The following IKBKB variants were observed in gnomAD, a reference collection of about 807,000 sequenced individuals.
The protein encoded by IKBKB is inhibitor of nuclear factor kappa-B kinase subunit beta.
IKBKB carries 42 observed loss-of-function variants against 113.6 expected under a neutral mutation model. That is an observed-to-expected ratio of 0.37 (90% confidence interval 0.29 to 0.48). The LOEUF (loss-of-function observed/expected upper bound fraction) is 0.48, where lower values mean the gene tolerates loss of function less well. IKBKB is among the 20% of genes least tolerant of loss of function. The pLI is 0.99. For synonymous variants in IKBKB, 296 were observed against 361.3 expected, an observed-to-expected ratio of 0.82 and a Z score of 2.05; for missense variants, 673 against 939.7, an observed-to-expected ratio of 0.72 and a Z score of 3.71.
Position 42,331,056 on chromosome 8 carries a change from A to ATGGGGCTGCCTGGAGCAGGCCGCGTGACG in IKBKB, c.*91_*119dup. 6.3e-7 allele frequency: 1 copy of ATGGGGCTGCCTGGAGCAGGCCGCGTGACG among 1,589,406 alleles called. No individual in the cohort carries two copies. Among genetic ancestry groups the ATGGGGCTGCCTGGAGCAGGCCGCGTGACG allele is most frequent in the Non-Finnish European group, 8.6e-7 (1 of 1,168,086 alleles). On this transcript the variant is annotated 3_prime_UTR_variant, in exon 22 of 22. Transcript: ENST00000520810. ...CAGTGGGGGGACTCGACCCCCTGAC[A>ATGGGGCTGCCTGGAGCAGGCCGCGTGACG]TGGGGCTGCCTGGAGCAGGCCGCGT...
chr8:42,271,716 C>T (rs970844982), intron 1 of IKBKB: 4 of 511,086 alleles, frequency 7.8e-6, no homozygotes, highest in Non-Finnish European at 1.4e-5. Context: ...AAACACGTGA[C>T]CTCGGCGATG....
chr8:42,300,157 A>G (rs1037816918), intron 5 of IKBKB, among the ~76,000 whole-genome samples: 1 of 152,170 alleles, frequency 6.6e-6, no homozygotes, highest in African/African-American at 2.4e-5. Flanking sequence ...TTAGCCAAGT[A>G]ACCTTTAGCC....
intron 21 of IKBKB, chr8:42,330,055 A>G (rs1438785824): frequency 1.0e-5 from 10 of 985,276 alleles, no homozygotes; most frequent in Non-Finnish European, 1.1e-5. Context: ...TGATCAGTTC[A>G]TTGCTTACTT....
At chr8:42,288,799 G>A in intron 3 of IKBKB, 71 bp downstream of exon 3, 1 of 1,249,914 alleles carries the variant, frequency 8.0e-7, no homozygotes, top group Non-Finnish European at 1.1e-6. Flanking sequence ...AGAAAGGAGA[G>A]TCTTGCTGGG....
rs759774641 is a variant in IKBKB, at chr8:42,303,064, AGAGAGAGAGAGAGAGAGAGAGAGAGAAT to A, written c.389-2077_389-2050del. Among the ~76,000 whole-genome samples the A allele has an allele frequency of 5.6e-5, 6 of 107,814 alleles. 1 individual carries two copies. The highest frequency in any genetic ancestry group is 6.9e-4 in the South Asian group (2 of 2,884). The allele number at this position is 107,814 out of a possible 152,430, so 70.7% of individuals were successfully genotyped here. On this transcript the variant is annotated intron_variant, in intron 5 of 21. Transcript: ENST00000520810. ...CCCTCCCCGGCTTGCCGAGAGGGAG[AGAGAGAGAGAGAGAGAGAGAGAGAGAAT>A]GAGAGAGAGAGAGAGAGAGAGAGAG... is the stretch of plus-strand genomic sequence containing the variant.
intron 2 of IKBKB, among the ~76,000 whole-genome samples, chr8:42,278,299 G>A (rs1018007702): frequency 1.3e-5 from 2 of 152,174 alleles, no homozygotes; most frequent in African/African-American, 2.4e-5. Context: ...GAGGGTGGAC[G>A]GTGCAAGTCA....
rs1821670678 is a variant in IKBKB, at chr8:42,331,393, T to A, written c.*414T>A. On this transcript the variant is annotated 3_prime_UTR_variant, in exon 22 of 22. Transcript: ENST00000520810. ...CACACGTGACTGGACAGTGTCCAAT[T>A]CAAATCTTTCAGGGCAGAGTCCGAG... 1.4e-6 allele frequency: 1 copy of A among 702,750 alleles called. No homozygotes were observed. The highest frequency in any genetic ancestry group is 2.0e-5 in the Admixed American group (1 of 49,990). 43.5% of individuals were successfully genotyped at this position (702,750 alleles called of 1,614,324 possible).
At chr8:42,308,807 A>G (rs879778867) in intron 7 of IKBKB, 94 bp from the exon 8 acceptor site, 1 of 1,259,440 alleles carries the variant, frequency 7.9e-7, no homozygotes, top group Non-Finnish European at 1.1e-6. Context: ...TCTAGGATGA[A>G]GCCAGGGGTG....
chr8:42,329,461 T>C (rs1821403643), intron 21 of IKBKB: 1 of 894,528 alleles, frequency 1.1e-6, no homozygotes. Flanking sequence ...TAGCTGGGAC[T>C]ACAGGCGTGC....
At chr8:42,324,012 A>G (rs1370684645) in intron 19 of IKBKB, among the ~76,000 whole-genome samples, 1 of 152,200 alleles carries the variant, frequency 6.6e-6, no homozygotes, top group Non-Finnish European at 1.5e-5. Flanking sequence ...TCCAGGAGGC[A>G]TGAGCTGCAG....
rs1407063087 is a variant in IKBKB, at chr8:42,280,560, C to T, written c.106-8074C>T. ...TCAGCGTCTTGGCTGTGGGTCCCCA[C>T]TTTTTGCATGGATTATGGGGATTCT... On this transcript the variant is annotated intron_variant, in intron 2 of 21. Transcript: ENST00000520810. Among the ~76,000 whole-genome samples, 4 of 152,260 alleles carry T rather than the reference C, an allele frequency of 2.6e-5. No individual in the cohort carries two copies. The East Asian group carries it at 7.7e-4, about 29-fold the overall frequency.
chr8:42,304,706 C>T (rs1816155135), intron 5 of IKBKB, among the ~76,000 whole-genome samples: 2 of 152,154 alleles, frequency 1.3e-5, no homozygotes, highest in African/African-American at 4.8e-5. Flanking sequence ...GGACTCTGTC[C>T]CCAAGGGCCC....
chr8:42,295,502 G>A (rs1315354213), intron 5 of IKBKB, among the ~76,000 whole-genome samples: 2 of 152,204 alleles, frequency 1.3e-5, no homozygotes, highest in Non-Finnish European at 2.9e-5. Context: ...TGATGCGGGT[G>A]GATCACAAGG....
At chr8:42,305,136 C>T (rs1816246162) in intron 5 of IKBKB, 51 bp from the exon 6 acceptor site, 2 of 1,219,560 alleles carry the variant, frequency 1.6e-6, no homozygotes, top group Non-Finnish European at 1.2e-6. Flanking sequence ...GAGATTCTGT[C>T]ATGAAAAGCA....
intron 2 of IKBKB, among the ~76,000 whole-genome samples, chr8:42,279,681 T>C (rs866146216): frequency 2.6e-5 from 4 of 152,254 alleles, no homozygotes; most frequent in Non-Finnish European, 4.4e-5. Flanking sequence ...GAGGCTAGGA[T>C]TGGAACCTGC....
chr8:42,273,419 A>AT (rs1563288214), intron 2 of IKBKB, among the ~76,000 whole-genome samples: 1 of 101,062 alleles, frequency 9.9e-6, no homozygotes, highest in South Asian at 3.4e-4. Context: ...TGTCTCAAAA[A>AT]ATATATATAT....
rs1328222610 is a variant in IKBKB, at chr8:42,274,787, C to A, written c.105+2582C>A. On this transcript the variant is annotated intron_variant, in intron 2 of 21. Coordinates refer to ENST00000520810, the MANE Select transcript of IKBKB (RefSeq NM_001556.3). ...AACTTAGGTGATCCCCGCCGGCGCG[C>A]CCCCCCCCCCCCCCGCCATCCCAGC... Among the ~76,000 whole-genome samples, 27 of 13,578 alleles carry A rather than the reference C, an allele frequency of 2.0e-3. No homozygotes were observed. In the African/African-American group the frequency reaches 0.022, roughly 11 times the overall value. 8.9% of individuals were successfully genotyped at this position (13,578 alleles called of 152,430 possible). A position where few individuals can be genotyped will look rare whatever the true frequency, so the allele number is the denominator to read the frequency against.
intron 2 of IKBKB, among the ~76,000 whole-genome samples, chr8:42,287,547 C>T (rs997150020): frequency 1.3e-5 from 2 of 152,172 alleles, no homozygotes; most frequent in Non-Finnish European, 2.9e-5. Context: ...GCTGTAGTGT[C>T]GTGGGAAGAG....
intron 2 of IKBKB, among the ~76,000 whole-genome samples, chr8:42,277,890 C>A (rs1341543730): frequency 6.6e-6 from 1 of 152,196 alleles, no homozygotes. Context: ...CTAGGTGCCC[C>A]AAATCATCCA....
Sources: gnomAD v4.1 joint callset for allele counts (sites outside exome capture counted in the v4.1 genomes callset) on GRCh38, gnomAD v4.1.1 for gene constraint, MANE v1.5 for transcripts, NCBI Gene and HGNC (gene_info 2026-07-23, HGNC 2026-07-21) for gene names.